The following FSD2 variants were observed in gnomAD, a reference collection of about 807,000 sequenced individuals.
FSD2 encodes the protein fibronectin type III and SPRY domain-containing protein 2.
FSD2 carries 71 observed loss-of-function variants against 80.4 expected under a neutral mutation model. The ratio of observed to expected loss-of-function variants is 0.88; its 90% CI spans 0.73 to 1.08. The LOEUF is 1.08. FSD2 is among the 50% of genes least tolerant of loss of function. FSD2 has a pLI of 0.00. For synonymous variants in FSD2, 361 were observed against 329.5 expected (o/e 1.10, Z -1.03); for missense variants, 923 against 913.8 (o/e 1.01, Z -0.13).
chr15:82,769,665 C>G, intron 8 of FSD2, 85 bp downstream of exon 8: 2 of 1,454,388 alleles, frequency 1.4e-6, no homozygotes, highest in East Asian at 2.3e-5. Context: ...TGAATGAAAT[C>G]AAGAGCCCTG....
intron 1 of FSD2, among the ~76,000 whole-genome samples, chr15:82,800,679 G>A (rs1044362208): frequency 7.8e-4 from 65 of 82,916 alleles, no homozygotes; most frequent in African/African-American, 2.9e-3. Context: ...GGGATAGAGC[G>A]AGATTCTGTC....
intron 6 of FSD2, among the ~76,000 whole-genome samples, chr15:82,775,944 A>T (rs1256854005): frequency 3.3e-5 from 5 of 152,128 alleles, no homozygotes; most frequent in African/African-American, 4.8e-5. Flanking sequence ...TGAATTTTCC[A>T]ATTTTTTCTT....
intron 8 of FSD2, 44 bp downstream of exon 8, chr15:82,769,706 C>T (rs971411073): frequency 8.3e-6 from 13 of 1,575,662 alleles, no homozygotes; most frequent in South Asian, 2.3e-5. Context: ...CTCCTGTGTC[C>T]GCTTGAATGA....
intron 6 of FSD2, among the ~76,000 whole-genome samples, chr15:82,774,764 C>T (rs2049672137): frequency 6.6e-6 from 1 of 151,530 alleles, no homozygotes; most frequent in Admixed American, 6.6e-5. Context: ...GCTCTGTCAC[C>T]AGTTTGGAGT....
At chr15:82,784,526 C>T (rs777566598) in intron 3 of FSD2, among the ~76,000 whole-genome samples, 33 of 152,132 alleles carry the variant, frequency 2.2e-4, no homozygotes, top group Non-Finnish European at 4.1e-4. Context: ...AAATTACAGG[C>T]GTCAGCCACT....
At chr15:82,794,341 A>G (rs11856878) in intron 1 of FSD2, among the ~76,000 whole-genome samples, 50,335 of 152,016 alleles carry the variant, frequency 0.33, 8,375 homozygotes, top group African/African-American at 0.36. Context: ...ACCAGAAAAC[A>G]TATTTTGTAT....
intron 11 of FSD2, among the ~76,000 whole-genome samples, chr15:82,763,720 C>T (rs533608456): frequency 3.3e-5 from 5 of 152,142 alleles, no homozygotes; most frequent in Admixed American, 6.5e-5. Flanking sequence ...CCCCAGCTCA[C>T]GTTCTACCAT....
chr15:82,756,586 A>G lies in FSD2; in HGVS notation c.*2762T>C, dbSNP rs1414778737. Reference sequence around the variant, plus strand: ...TTATCAGAAATCAGTGTCATTTTAGATTGCAAGTCTCAAACCAACTTTCCA... The same window carrying G: ...TTATCAGAAATCAGTGTCATTTTAGGTTGCAAGTCTCAAACCAACTTTCCA... On this transcript the variant is annotated 3_prime_UTR_variant, in exon 13 of 13. Coordinates refer to ENST00000334574, the MANE Select transcript of FSD2 (RefSeq NM_001007122.4). 2 of 152,246 alleles carry G rather than the reference A, an allele frequency of 1.3e-5. No homozygotes were observed. The highest frequency in any genetic ancestry group is 2.9e-5 in the Non-Finnish European group (2 of 68,038). 9.4% of individuals were successfully genotyped at this position (152,246 alleles called of 1,614,324 possible). A position where few individuals can be genotyped will look rare whatever the true frequency, so the allele number is the denominator to read the frequency against.
At chr15:82,801,684 C>T (rs2050416247) in intron 1 of FSD2, among the ~76,000 whole-genome samples, 1 of 152,122 alleles carries the variant, frequency 6.6e-6, no homozygotes, top group African/African-American at 2.4e-5. Flanking sequence ...ATAAGGAAAC[C>T]TTACTCCTGA....
chr15:82,798,881 T>G (rs1156893056), intron 1 of FSD2, among the ~76,000 whole-genome samples: 2 of 148,234 alleles, frequency 1.3e-5, no homozygotes, highest in Non-Finnish European at 3.0e-5. Flanking sequence ...CTGTTTTGTT[T>G]TTTTTTTTTT....
Position 82,758,365 on chromosome 15 carries a change from T to G in FSD2, c.*983A>C, listed in dbSNP as rs1024219337. ...TGGGCATTGAGCTCACAGAATGGCC[T>G]GGGGGCAGTGAGGCAGGATGCCTGA... On this transcript the variant is annotated 3_prime_UTR_variant, in exon 13 of 13. Transcript: ENST00000334574. The G allele has an allele frequency of 6.6e-6, 1 of 152,336 alleles. No homozygotes were observed. Among genetic ancestry groups the G allele is most frequent in the Non-Finnish European group, 1.5e-5 (1 of 68,044 alleles). 9.4% of individuals were successfully genotyped at this position (152,336 alleles called of 1,614,324 possible). A position where few individuals can be genotyped will look rare whatever the true frequency, so the allele number is the denominator to read the frequency against.
rs1177867268 is a variant in FSD2, at chr15:82,759,250, G to A, written c.*98C>T. 31 of 1,283,414 alleles carry A rather than the reference G, an allele frequency of 2.4e-5. 1 individual carries two copies. In the Admixed American group the frequency reaches 7.3e-4, roughly 30 times the overall value. 79.5% of individuals were successfully genotyped at this position (1,283,414 alleles called of 1,614,324 possible). On this transcript the variant is annotated 3_prime_UTR_variant, in exon 13 of 13. Coordinates refer to ENST00000334574, the MANE Select transcript of FSD2 (RefSeq NM_001007122.4). The stretch of plus-strand genomic sequence containing the variant: ...AATAGCATGAGCCATAAATTGTGCT[G>A]GGCACATGGTGCTTAAGTGCCAGGT...
chr15:82,791,432 A>C (rs1596258125), intron 1 of FSD2, among the ~76,000 whole-genome samples: 1 of 150,742 alleles, frequency 6.6e-6, no homozygotes, highest in East Asian at 2.0e-4. Flanking sequence ...GTGCAGTAAC[A>C]CCATCTTGGC....
At chr15:82,772,276 G>A (rs1256015040) in intron 6 of FSD2, 48 bp from the exon 7 acceptor site, 1 of 1,543,218 alleles carries the variant, frequency 6.5e-7, no homozygotes, top group Non-Finnish European at 8.8e-7. Flanking sequence ...TAGAGGTGTG[G>A]GGTGACAGTG....
At chr15:82,782,356 C>G (rs934028061) in intron 4 of FSD2, among the ~76,000 whole-genome samples, 1 of 147,558 alleles carries the variant, frequency 6.8e-6, no homozygotes, top group Non-Finnish European at 1.5e-5. Context: ...GCCGAGATCG[C>G]GCCACTGCAC....
chr15:82,791,053 C>T (rs1039905965), intron 1 of FSD2, among the ~76,000 whole-genome samples: 3 of 151,894 alleles, frequency 2.0e-5, no homozygotes, highest in Non-Finnish European at 4.4e-5. Flanking sequence ...GGCTGGAGTG[C>T]AGTGGCGCGA....
chr15:82,803,716 C>T (rs2050466436), intron 1 of FSD2, among the ~76,000 whole-genome samples: 1 of 152,144 alleles, frequency 6.6e-6, no homozygotes, highest in African/African-American at 2.4e-5. Context: ...CTTGACACCC[C>T]CAATCTAATT....
chr15:82,791,985 G>C (rs2050163305), intron 1 of FSD2, among the ~76,000 whole-genome samples: 1 of 152,204 alleles, frequency 6.6e-6, no homozygotes, highest in Admixed American at 6.5e-5. Flanking sequence ...CCATGCATCA[G>C]TTGATTCGGG....
chr15:82,790,195 A>G (rs201023484), intron 1 of FSD2, among the ~76,000 whole-genome samples: 1 of 151,236 alleles, frequency 6.6e-6, no homozygotes, highest in Non-Finnish European at 1.5e-5. Context: ...CAACGACAAC[A>G]ACAACAACAA....
Sources: gnomAD v4.1 joint callset for allele counts (sites outside exome capture counted in the v4.1 genomes callset) on GRCh38, gnomAD v4.1.1 for gene constraint, MANE v1.5 for transcripts, NCBI Gene and HGNC (gene_info 2026-07-23, HGNC 2026-07-21) for gene names.